The following GORASP1 variants were observed in gnomAD, a reference collection of about 807,000 sequenced individuals.
The protein encoded by GORASP1 is Golgi reassembly-stacking protein 1.
Under a neutral mutation model 37.7 loss-of-function variants are expected in GORASP1, and 31 were observed. The observed-to-expected ratio is 0.82, with a 90% CI of 0.62 to 1.11. GORASP1 has a LOEUF of 1.11. Among genes scored for constraint, GORASP1 ranks in the 50% least tolerant of loss-of-function variants. The pLI, the probability that GORASP1 is intolerant of heterozygous loss-of-function variation, is 0.00. For missense variants in GORASP1, 476 were observed against 560.7 expected (o/e 0.85, Z 1.53); for synonymous variants, 204 against 224.8 (o/e 0.91, Z 0.83).
chr3:39,099,125 T>C (rs2035531747), intron 7 of GORASP1: 1 of 773,832 alleles, frequency 1.3e-6, no homozygotes, highest in Non-Finnish European at 2.2e-6. Flanking sequence ...GCAGTAGGCA[T>C]AGACTCTGCT....
rs2035798260 is a variant in GORASP1, at chr3:39,102,679, A to T, written c.347T>A (p.Leu116Gln). The change falls in exon 3 of 9, where the codon CTG (leucine) becomes CAG (glutamine). Residue 116 changes from leucine (L) to glutamine (Q), a missense_variant and splice_region_variant. Physicochemically the swap from Leu to Gln is moderately radical, Grantham distance 113. Coordinates refer to ENST00000319283, the MANE Select transcript of GORASP1 (RefSeq NM_031899.4). This position sits in a 1 kb window ranked among gnomAD's most constrained non-coding sequence, Gnocchi z 5.0. ...RRASEQVWHV[L>Q]DVEPSSPAAL... ...TGCCCTGCCATACCCCACACTCACC[A>T]GCACATGCCACACCTGCTCACTGGC... The T allele has an allele frequency of 5.0e-6, 8 of 1,614,034 alleles. No homozygotes were observed. The highest frequency in any genetic ancestry group is 6.8e-6 in the Non-Finnish European group (8 of 1,179,986).
rs940150713 is a variant in GORASP1 at position 39,103,153 on chromosome 3, C to T, written c.145-272G>A. 3.4e-6 allele frequency: 2 copies of T among 595,774 alleles called. No individual in the cohort carries two copies. The highest frequency in any genetic ancestry group is 5.9e-5 in the Admixed American group (2 of 33,844). 36.9% of individuals were successfully genotyped at this position (595,774 alleles called of 1,614,324 possible). ...AGCAAAAAGCCTCCCAGATCCACAG[C>T]ATTCCAGTGCTGCCCCACTCTGAGC... On this transcript the variant is annotated intron_variant, in intron 2 of 8. Coordinates refer to ENST00000319283, the MANE Select transcript of GORASP1 (RefSeq NM_031899.4). The surrounding 1 kb of genome is among the most constrained non-coding windows in gnomAD (Gnocchi z 5.2).
intron 6 of GORASP1, among the ~76,000 whole-genome samples, chr3:39,099,709 G>T (rs1001708525): frequency 3.9e-5 from 6 of 152,194 alleles, no homozygotes; most frequent in African/African-American, 1.4e-4. Flanking sequence ...TCCCTGCAGT[G>T]TTGGCACTGA....
At chr3:39,101,510 CTTGGCTACAGGAG>C (rs1284672586) in intron 3 of GORASP1, 1 of 459,716 alleles carries the variant, frequency 2.2e-6, no homozygotes, top group South Asian at 1.6e-5. Context: ...AAAAGCACAC[CTTGGCTACAGGAG>C]CACCCACTAC....
intron 1 of GORASP1, among the ~76,000 whole-genome samples, chr3:39,106,651 C>G (rs2036136771): frequency 6.6e-6 from 1 of 152,156 alleles, no homozygotes; most frequent in African/African-American, 2.4e-5. Flanking sequence ...AGGGGGGGTG[C>G]AGGGACGCCT....
At chr3:39,106,725 C>T (rs2036151242) in intron 1 of GORASP1, among the ~76,000 whole-genome samples, 1 of 152,110 alleles carries the variant, frequency 6.6e-6, no homozygotes, top group Non-Finnish European at 1.5e-5. Flanking sequence ...TAGCCCTTCC[C>T]TCACCGCAGG....
rs1451514290 is a variant in GORASP1, at chr3:39,096,904, A to AG, written c.*1331dup. The AG allele has an allele frequency of 6.6e-6, 1 of 152,284 alleles. No individual in the cohort carries two copies. Among genetic ancestry groups the AG allele is most frequent in the Non-Finnish European group, 1.5e-5 (1 of 68,050 alleles). The allele number at this position is 152,284 out of a possible 1,614,324, so 9.4% of individuals were successfully genotyped here. A position where few individuals can be genotyped will look rare whatever the true frequency, so the allele number is the denominator to read the frequency against. Reference sequence around the variant, plus strand: ...TACAGAGTTAAGGGAAGCTGGCCCCAGAACAGTCCTGTGGCGATTCTGTTC... The same window carrying AG: ...TACAGAGTTAAGGGAAGCTGGCCCCAGGAACAGTCCTGTGGCGATTCTGTTC... On this transcript the variant is annotated 3_prime_UTR_variant, in exon 9 of 9. Coordinates refer to ENST00000319283, the MANE Select transcript of GORASP1 (RefSeq NM_031899.4).
Position 39,098,245 on chromosome 3 carries a change from G to A in GORASP1, c.1314C>T (p.Thr438=). The change falls in exon 9 of 9, where the codon ACC becomes ACT. Residue 438 remains threonine (T), a synonymous_variant. Coordinates refer to ENST00000319283, the MANE Select transcript of GORASP1 (RefSeq NM_031899.4). The surrounding 1 kb of genome is among the most constrained non-coding windows in gnomAD (Gnocchi z 4.7). ...GTCACAGCCCAGGGTGTTATTCTGT[G>A]GTAGAGATCTGGGCCTGGCTGTCCA... ...EGLDSQAQIS[T]TE is the part of the protein sequence containing the mutation. 1 of 1,613,956 alleles carries A rather than the reference G, an allele frequency of 6.2e-7. No individual in the cohort carries two copies. Among genetic ancestry groups the A allele is most frequent in the Non-Finnish European group, 8.5e-7 (1 of 1,179,976 alleles).
chr3:39,101,094 T>C lies in GORASP1; in HGVS notation c.357A>G (p.Glu119=). 4 of 1,614,056 alleles carry C rather than the reference T, an allele frequency of 2.5e-6. No individual in the cohort carries two copies. The South Asian group carries it at 3.3e-5, about 13-fold the overall frequency. The change falls in exon 4 of 9, where the codon GAA becomes GAG. Residue 119 remains glutamate, a synonymous_variant. Coordinates refer to ENST00000319283, the MANE Select transcript of GORASP1 (RefSeq NM_031899.4). ...SEQVWHVLDV[E]PSSPAALAGL... Reference sequence around the variant, plus strand: ...CGGCAAGGGCAGCAGGTGAAGATGGTTCCACATCCTGGGGAAAGAACCGCA... The same window carrying C: ...CGGCAAGGGCAGCAGGTGAAGATGGCTCCACATCCTGGGGAAAGAACCGCA...
At position 39,098,191 on chromosome 3, in the gene GORASP1, G is replaced by A. The variant is rs774326162; in HGVS notation, c.*45C>T. ...CAGCCCGGGCTGCCTGCCCACATCT[G>A]GGCCTCATGAAATGTCATCATGGGC... On this transcript the variant is annotated 3_prime_UTR_variant, in exon 9 of 9. Coordinates refer to ENST00000319283, the MANE Select transcript of GORASP1 (RefSeq NM_031899.4). The surrounding 1 kb of genome is among the most constrained non-coding windows in gnomAD (Gnocchi z 4.7). The A allele has an allele frequency of 2.8e-5, 44 of 1,595,372 alleles. No homozygotes were observed. Among genetic ancestry groups the A allele is most frequent in the Non-Finnish European group, 3.5e-5 (41 of 1,170,160 alleles).
chr3:39,099,820 TC>T (rs1224204922), intron 6 of GORASP1, among the ~76,000 whole-genome samples: 3 of 152,142 alleles, frequency 2.0e-5, no homozygotes, highest in Admixed American at 6.5e-5. Context: ...GAGAGGGGCT[TC>T]CTTGAATTCA....
chr3:39,099,017 G>T, intron 7 of GORASP1, 124 bp from the exon 8 acceptor site: 2 of 1,265,844 alleles, frequency 1.6e-6, no homozygotes, highest in Non-Finnish European at 1.1e-6. Context: ...CTCAGCCCCT[G>T]GTGATACCCC....
chr3:39,099,475 A>G lies in GORASP1; in HGVS notation c.794T>C (p.Met265Thr). The G allele has an allele frequency of 6.2e-7, 1 of 1,611,254 alleles. No homozygotes were observed. The highest frequency in any genetic ancestry group is 1.1e-5 in the South Asian group (1 of 90,402). ...EALLQAPGSS[M>T]EDPLPGPGSP... ...CCCAGGCCCAGGAAGGGGATCCTCC[A>G]TGGAGGAGCCAGGTGCCTGCAGCAG... is the stretch of plus-strand genomic sequence containing the variant. The change falls in exon 7 of 9, where the codon ATG becomes ACG. Residue 265 changes from methionine to threonine, a missense_variant. Met to Thr is a moderately conservative substitution (Grantham distance 81, BLOSUM62 -1). Transcript: ENST00000319283.
Position 39,102,468 on chromosome 3 carries a change from G to C in GORASP1, c.348+210C>G. The C allele has an allele frequency of 1.7e-6, 1 of 601,386 alleles. No homozygotes were observed. Among genetic ancestry groups the C allele is most frequent in the East Asian group, 2.8e-5 (1 of 36,196 alleles). 37.3% of individuals were successfully genotyped at this position (601,386 alleles called of 1,614,324 possible). A position where few individuals can be genotyped will look rare whatever the true frequency, so the allele number is the denominator to read the frequency against. On this transcript the variant is annotated intron_variant, in intron 3 of 8. Transcript: ENST00000319283. This position sits in a 1 kb window ranked among gnomAD's most constrained non-coding sequence, Gnocchi z 5.0. The stretch of plus-strand genomic sequence containing the variant: ...AAAGTACCCAAAGTCATGGCTAACA[G>C]GAAGCAAGATACACTGTTCAGGTAG...
At position 39,097,074 on chromosome 3, in the gene GORASP1, C is replaced by G. The variant is rs947968644; in HGVS notation, c.*1162G>C. On this transcript the variant is annotated 3_prime_UTR_variant, in exon 9 of 9. Coordinates refer to ENST00000319283, the MANE Select transcript of GORASP1 (RefSeq NM_031899.4). ...GAAGGGTTTGCTAATTTGGGACCCT[C>G]CCTCCATATAGTTGGCCTGTGCCCC... 1 of 152,266 alleles carries G rather than the reference C, an allele frequency of 6.6e-6. No homozygotes were observed. Among genetic ancestry groups the G allele is most frequent in the African/African-American group, 2.4e-5 (1 of 41,456 alleles). The allele number at this position is 152,266 out of a possible 1,614,324, so 9.4% of individuals were successfully genotyped here.
chr3:39,098,999 G>A lies in GORASP1; in HGVS notation c.917-106C>T. ...GGCATCTGGCCCAGCCTGTGAGACT[G>A]TAATCTCCTCAGCCCCTGGTGATAC... On this transcript the variant is annotated intron_variant, in intron 7 of 8. Transcript: ENST00000319283. The surrounding 1 kb of genome is among the most constrained non-coding windows in gnomAD (Gnocchi z 4.7). 7.1e-7 allele frequency: 1 copy of A among 1,406,356 alleles called. No individual in the cohort carries two copies. Among genetic ancestry groups the A allele is most frequent in the Non-Finnish European group, 9.9e-7 (1 of 1,012,830 alleles). The allele number at this position is 1,406,356 out of a possible 1,614,324, so 87.1% of individuals were successfully genotyped here. A position where few individuals can be genotyped will look rare whatever the true frequency, so the allele number is the denominator to read the frequency against.
rs1232043397 is a variant in GORASP1, at chr3:39,102,424, C to T, written c.348+254G>A. On this transcript the variant is annotated intron_variant, in intron 3 of 8. Transcript: ENST00000319283. The surrounding 1 kb of genome is among the most constrained non-coding windows in gnomAD (Gnocchi z 5.0). ...TATTTCTACCTTTCAAATTAAGTAA[C>T]CTAGGTATAGAAGGTAAGAAAGTAC... The T allele has an allele frequency of 5.2e-6, 3 of 574,776 alleles. No individual in the cohort carries two copies. Among genetic ancestry groups the T allele is most frequent in the South Asian group, 4.3e-5 (2 of 46,614 alleles). The allele number at this position is 574,776 out of a possible 1,614,324, so 35.6% of individuals were successfully genotyped here.
Position 39,102,901 on chromosome 3 carries a change from G to A in GORASP1, c.145-20C>T. ...CTTGTTCTGTGGGGGCAATGGGGCT[G>A]ACTCCAAGGCCACCTCATGCCCAGG... is the stretch of plus-strand genomic sequence containing the variant. On this transcript the variant is annotated intron_variant, in intron 2 of 8. Coordinates refer to ENST00000319283, the MANE Select transcript of GORASP1 (RefSeq NM_031899.4). The surrounding 1 kb of genome is among the most constrained non-coding windows in gnomAD (Gnocchi z 5.0). 1.2e-6 allele frequency: 2 copies of A among 1,610,384 alleles called. No individual in the cohort carries two copies. Among genetic ancestry groups the A allele is most frequent in the Non-Finnish European group, 1.7e-6 (2 of 1,176,560 alleles).
At position 39,096,801 on chromosome 3, in the gene GORASP1, G is replaced by A. The variant is rs2035370999; in HGVS notation, c.*1435C>T. 6.6e-6 allele frequency: 1 copy of A among 152,172 alleles called. No individual in the cohort carries two copies. The highest frequency in any genetic ancestry group is 2.4e-5 in the African/African-American group (1 of 41,438). The allele number at this position is 152,172 out of a possible 1,614,324, so 9.4% of individuals were successfully genotyped here. A position where few individuals can be genotyped will look rare whatever the true frequency, so the allele number is the denominator to read the frequency against. ...TACCCATTTTATCCTCCAACTTATG[G>A]GGGAAGGGAAAGTAAAAGTGAGGGA... On this transcript the variant is annotated 3_prime_UTR_variant, in exon 9 of 9. Transcript: ENST00000319283.
Sources: allele counts gnomAD v4.1 joint callset (sites outside exome capture counted in the v4.1 genomes callset), GRCh38; gene constraint gnomAD v4.1.1; non-coding constraint Gnocchi (gnomAD v3.1); transcripts MANE v1.5; gene names NCBI Gene and HGNC (gene_info 2026-07-23, HGNC 2026-07-21).